CFAP77: variants seen among roughly 807,000 people sequenced by gnomAD.
CFAP77 encodes cilia- and flagella-associated protein 77.
A neutral mutation model predicts 31.1 loss-of-function variants in CFAP77; 25 were observed. The ratio of observed to expected loss-of-function variants is 0.80; its 90% CI spans 0.59 to 1.12. The LOEUF is 1.12. Among genes scored for constraint, CFAP77 ranks in the 50% most tolerant of loss-of-function variants. The pLI is 0.00. For missense variants in CFAP77, 377 were observed against 397.3 expected (o/e 0.95, Z 0.44); for synonymous variants, 151 against 159.9 (o/e 0.94, Z 0.42).
At chr9:132,440,340 ATAATAATAATAATAG>A in intron 1 of CFAP77, among the ~76,000 whole-genome samples, 1 of 151,862 alleles carries the variant, frequency 6.6e-6, no homozygotes, top group Middle Eastern at 3.4e-3. Flanking sequence ...CTGTCTCAAA[ATAATAATAATAATAG>A]TAATAATAAT....
intron 5 of CFAP77, among the ~76,000 whole-genome samples, chr9:132,548,282 T>C (rs936231379): frequency 2.9e-5 from 1 of 33,940 alleles, no homozygotes; most frequent in Non-Finnish European, 5.9e-5. Context: ...GGCGGGGGGG[T>C]GGGGGGTGAA....
chr9:132,464,972 G>A (rs1382782991), intron 1 of CFAP77, among the ~76,000 whole-genome samples: 1 of 151,326 alleles, frequency 6.6e-6, no homozygotes, highest in Non-Finnish European at 1.5e-5. Flanking sequence ...TACTCGGGAG[G>A]TTGAGGCAGG....
intron 3 of CFAP77, among the ~76,000 whole-genome samples, chr9:132,503,910 G>A (rs1017657665): frequency 5.3e-5 from 8 of 152,308 alleles, no homozygotes; most frequent in African/African-American, 1.4e-4. Flanking sequence ...TGAGTCGGGC[G>A]TGGTGGCATG....
At chr9:132,491,044 G>A (rs1360623484) in intron 1 of CFAP77, among the ~76,000 whole-genome samples, 1 of 152,118 alleles carries the variant, frequency 6.6e-6, no homozygotes, top group Non-Finnish European at 1.5e-5. Context: ...GTGTGTTGGT[G>A]CTAACCTGTC....
At chr9:132,518,872 G>A (rs1852195800) in intron 3 of CFAP77, among the ~76,000 whole-genome samples, 1 of 152,218 alleles carries the variant, frequency 6.6e-6, no homozygotes, top group Admixed American at 6.5e-5. Flanking sequence ...GGCACTGCAG[G>A]GCGATAGGGC....
At chr9:132,544,059 C>G (rs368880745) in intron 5 of CFAP77, among the ~76,000 whole-genome samples, 1 of 152,168 alleles carries the variant, frequency 6.6e-6, no homozygotes, top group Middle Eastern at 3.2e-3. Context: ...GCCGCTGTGC[C>G]GCATTAAACT....
intron 3 of CFAP77, among the ~76,000 whole-genome samples, chr9:132,508,509 C>T (rs1307956797): frequency 1.3e-5 from 2 of 152,128 alleles, no homozygotes; most frequent in Non-Finnish European, 2.9e-5. Context: ...TGAGGTCCTC[C>T]TAGCTGGACG....
At chr9:132,542,522 G>A (rs989306470) in intron 4 of CFAP77, among the ~76,000 whole-genome samples, 2 of 152,222 alleles carry the variant, frequency 1.3e-5, no homozygotes, top group African/African-American at 4.8e-5. Context: ...AGCAGGCCAT[G>A]GAGGACCTGC....
chr9:132,521,762 CTT>C (rs774087426), intron 3 of CFAP77, among the ~76,000 whole-genome samples: 2 of 62,562 alleles, frequency 3.2e-5, no homozygotes, highest in African/African-American at 7.6e-5. Flanking sequence ...AATAGACTTG[CTT>C]TTTTTTTTTT....
rs1554747342 is a variant in CFAP77 at position 132,521,778 on chromosome 9, T to TTTTTGTTTTG, written c.525-15819_525-15818insGTTTTGTTTT. ...ATAGACTTGCTTTTTTTTTTTTTTT[T>TTTTTGTTTTG]TTTTTTGAGATGAAGTCTCACTCTG... On this transcript the variant is annotated intron_variant, in intron 3 of 5. Coordinates refer to ENST00000393216, the MANE Select transcript of CFAP77 (RefSeq NM_001282957.2). Among the ~76,000 whole-genome samples, 1,401 of 106,174 alleles carry TTTTTGTTTTG rather than the reference T, an allele frequency of 0.013. 165 individuals carry two copies. The East Asian group carries it at 0.3, about 23-fold the overall frequency. 69.7% of individuals were successfully genotyped at this position (106,174 alleles called of 152,430 possible). A position where few individuals can be genotyped will look rare whatever the true frequency, so the allele number is the denominator to read the frequency against.
At chr9:132,437,348 A>AG (rs1409206421) in intron 1 of CFAP77, among the ~76,000 whole-genome samples, 1 of 152,204 alleles carries the variant, frequency 6.6e-6, no homozygotes, top group African/African-American at 2.4e-5. Context: ...GGTGCACTCC[A>AG]GGAACAGAAA....
At chr9:132,514,130 T>TG (rs149025525) in intron 3 of CFAP77, among the ~76,000 whole-genome samples, 22 of 139,358 alleles carry the variant, frequency 1.6e-4, no homozygotes, top group African/African-American at 5.6e-4. Flanking sequence ...AGTGAGGAGA[T>TG]CCCCCTCCCC....
chr9:132,486,012 A>G (rs868791221), intron 1 of CFAP77, among the ~76,000 whole-genome samples: 179 of 11,332 alleles, frequency 0.016, 8 homozygotes, highest in African/African-American at 0.039. Context: ...ATATATATAT[A>G]TATATATATA....
intron 5 of CFAP77, among the ~76,000 whole-genome samples, chr9:132,568,570 A>AC (rs1314135214): frequency 3.3e-5 from 5 of 152,000 alleles, no homozygotes; most frequent in African/African-American, 1.2e-4. Context: ...AAAAAAAAAA[A>AC]AAAAAATAGT....
intron 3 of CFAP77, among the ~76,000 whole-genome samples, chr9:132,532,710 G>A (rs1852474957): frequency 6.6e-6 from 1 of 152,070 alleles, no homozygotes; most frequent in South Asian, 2.1e-4. Context: ...AAGTCACAGG[G>A]TAAGTTCTGA....
At chr9:132,570,678 A>G (rs528344562) in intron 5 of CFAP77, among the ~76,000 whole-genome samples, 1 of 152,286 alleles carries the variant, frequency 6.6e-6, no homozygotes, top group East Asian at 1.9e-4. Context: ...GGTGAAGAAC[A>G]TGGTTATTCC....
At chr9:132,523,562 C>T (rs1852306840) in intron 3 of CFAP77, among the ~76,000 whole-genome samples, 1 of 152,222 alleles carries the variant, frequency 6.6e-6, no homozygotes, top group South Asian at 2.1e-4. Flanking sequence ...TGAAGGCCGT[C>T]GCTTTTACAA....
chr9:132,572,342 C>T, intron 5 of CFAP77, 46 bp from the exon 6 acceptor site: 1 of 1,597,322 alleles, frequency 6.3e-7, no homozygotes, highest in Non-Finnish European at 8.5e-7. Flanking sequence ...GAATGAGCTA[C>T]ACTGAAGTCT....
chr9:132,518,605 C>T (rs1307561279), intron 3 of CFAP77, among the ~76,000 whole-genome samples: 1 of 152,162 alleles, frequency 6.6e-6, no homozygotes, highest in African/African-American at 2.4e-5. Context: ...AGAAAGTGCT[C>T]GTTAGGATGG....
Sources: gnomAD v4.1 joint callset for allele counts (sites outside exome capture counted in the v4.1 genomes callset) on GRCh38, gnomAD v4.1.1 for gene constraint, MANE v1.5 for transcripts, NCBI Gene and HGNC (gene_info 2026-07-23, HGNC 2026-07-21) for gene names.